Variants in PDE1C observed in about 807,000 individuals in gnomAD.
PDE1C encodes the protein phosphodiesterase 1C.
PDE1C carries 62 observed loss-of-function variants against 93.1 expected under a neutral mutation model. The observed-to-expected ratio is 0.67, with a 90% confidence interval of 0.54 to 0.82. PDE1C has a LOEUF of 0.82. PDE1C is among the 40% of genes least tolerant of loss of function. The pLI, the probability that PDE1C is intolerant of heterozygous loss-of-function variation, is 0.00. For synonymous variants in PDE1C, 325 were observed against 310.1 expected (o/e 1.05, Z -0.50); for missense variants, 742 against 884.6 (o/e 0.84, Z 2.04).
chr7:31,723,349 C>A, the PDE1C span, among the ~76,000 whole-genome samples: 1 of 152,292 alleles, frequency 6.6e-6, no homozygotes, highest in African/African-American at 2.4e-5. Context: ...AGAGCTAACA[C>A]AGCTGAGAAT....
At chr7:32,227,445 G>T (rs1807377549) in intron 1 of PDE1C, among the ~76,000 whole-genome samples, 1 of 152,162 alleles carries the variant, frequency 6.6e-6, no homozygotes, top group Non-Finnish European at 1.5e-5. Flanking sequence ...TATCTCCCCT[G>T]GTAGACTGTC....
chr7:32,379,395 T>G (rs1251459573), intron 1 of PDE1C, among the ~76,000 whole-genome samples: 3 of 152,114 alleles, frequency 2.0e-5, no homozygotes, highest in Non-Finnish European at 4.4e-5. Flanking sequence ...GAGGAAGAAA[T>G]AAAAAGCTGT....
At chr7:31,879,355 G>GT in intron 3 of PDE1C, 177 bp from the exon 4 acceptor site, 1 of 579,650 alleles carries the variant, frequency 1.7e-6, no homozygotes, top group Non-Finnish European at 3.0e-6. Context: ...CGCCATGTGT[G>GT]TTTCGCGATG....
At chr7:32,269,450 T>TTTTGGTTTTG (rs1810820114) in intron 1 of PDE1C, among the ~76,000 whole-genome samples, 1 of 151,536 alleles carries the variant, frequency 6.6e-6, no homozygotes, top group South Asian at 2.1e-4. Context: ...TTTTTTGATG[T>TTTTGGTTTTG]TTTTGTTTTG....
chr7:32,006,921 T>C (rs1472409227), intron 2 of PDE1C, among the ~76,000 whole-genome samples: 2 of 152,178 alleles, frequency 1.3e-5, no homozygotes, highest in African/African-American at 4.8e-5. Flanking sequence ...AAGACAAAAG[T>C]ACCAAAAGCC....
At chr7:32,380,682 T>G (rs932344169) in intron 1 of PDE1C, among the ~76,000 whole-genome samples, 1 of 152,066 alleles carries the variant, frequency 6.6e-6, no homozygotes, top group African/African-American at 2.4e-5. Flanking sequence ...CTGCAGCCTG[T>G]GACACACTTG....
At chr7:32,298,820 C>T in exon 1 of PDE1C, 3 of 1,481,856 alleles carry the variant, frequency 2.0e-6, no homozygotes, top group Non-Finnish European at 2.7e-6. Flanking sequence ...GCCCGGGGCT[C>T]GGCGGCGAAT....
At chr7:32,019,365 G>A (rs768455063) in intron 2 of PDE1C, among the ~76,000 whole-genome samples, 12 of 152,104 alleles carry the variant, frequency 7.9e-5, no homozygotes, top group Admixed American at 2.0e-4. Flanking sequence ...TATTGTTTGA[G>A]AAGTTAAAAC....
intron 1 of PDE1C, among the ~76,000 whole-genome samples, chr7:32,389,157 C>CGTGTGTGTGTGTGTGTGTGT (rs575896243): frequency 1.1e-3 from 145 of 135,752 alleles, no homozygotes; most frequent in Middle Eastern, 3.6e-3. Context: ...TGATAGCTGA[C>CGTGTGTGTGTGTGTGTGTGT]GTGTGTGTGT....
chr7:32,057,719 A>T (rs1383606928), intron 1 of PDE1C, among the ~76,000 whole-genome samples: 3 of 152,304 alleles, frequency 2.0e-5, no homozygotes, highest in African/African-American at 7.2e-5. Context: ...AAGCAGGCAA[A>T]CAGCGAGAAA....
At chr7:31,728,549 A>C in the PDE1C span, among the ~76,000 whole-genome samples, 1 of 152,166 alleles carries the variant, frequency 6.6e-6, no homozygotes, top group African/African-American at 2.4e-5. Flanking sequence ...TAAGTTCTAG[A>C]ACTTATATTC....
In PDE1C at chr7:32,113,703, C is replaced by T. The variant is rs145914518; in HGVS notation, c.308+56082G>A. Reference sequence around the variant, plus strand: ...ATGAGATTGGCAGTAGTCGTTTTTCCCTACTCAGATGGTATATTTTCTGAG... The same window carrying T: ...ATGAGATTGGCAGTAGTCGTTTTTCTCTACTCAGATGGTATATTTTCTGAG... On this transcript the variant is annotated intron_variant, in intron 3 of 18. Coordinates refer to the PDE1C transcript ENST00000396193. Among the ~76,000 whole-genome samples the T allele has an allele frequency of 1.4e-3, 214 of 151,998 alleles. 2 individuals are homozygous for T. Among genetic ancestry groups the T allele is most frequent in the African/African-American group, 5.0e-3 (207 of 41,444 alleles).
chr7:32,338,698 A>G (rs1160784429), intron 1 of PDE1C, among the ~76,000 whole-genome samples: 1 of 152,200 alleles, frequency 6.6e-6, no homozygotes, highest in African/African-American at 2.4e-5. Context: ...TCCTAGCAGC[A>G]TTATTCACAA....
rs12155356 is a variant in PDE1C, at chr7:31,911,289, T to C, written c.129-30429A>G. On this transcript the variant is annotated intron_variant, in intron 2 of 17. Transcript: ENST00000396191. ...TAGGATGTTTTAATATTAATATTAA[T>C]ATGCTTGATTAGATTTTAATCCTTT... Among the ~76,000 whole-genome samples, 1,051 of 152,296 alleles carry C rather than the reference T, an allele frequency of 6.9e-3. 6 individuals are homozygous for C. The highest frequency in any genetic ancestry group is 8.6e-3 in the Non-Finnish European group (588 of 68,030).
chr7:32,248,300 A>T (rs753017260), intron 1 of PDE1C, among the ~76,000 whole-genome samples: 1 of 152,188 alleles, frequency 6.6e-6, no homozygotes, highest in Non-Finnish European at 1.5e-5. Flanking sequence ...TTTAGAGTGG[A>T]GGAGAAGACC....
chr7:32,101,551 G>A (rs1798037273), intron 3 of PDE1C, among the ~76,000 whole-genome samples: 1 of 152,090 alleles, frequency 6.6e-6, no homozygotes, highest in Non-Finnish European at 1.5e-5. Context: ...AAAGCTGGTT[G>A]TATAAAAGAG....
chr7:31,998,547 A>G (rs561648137), intron 2 of PDE1C, among the ~76,000 whole-genome samples: 1 of 152,338 alleles, frequency 6.6e-6, no homozygotes, highest in Admixed American at 6.5e-5. Context: ...ATAAGTTTAT[A>G]TTAGTGATCC....
At chr7:31,896,431 C>T (rs181970631) in intron 2 of PDE1C, among the ~76,000 whole-genome samples, 63 of 152,298 alleles carry the variant, frequency 4.1e-4, no homozygotes, top group African/African-American at 1.4e-3. Context: ...TTTTGATCTA[C>T]TTGGTAAGGA....
intron 1 of PDE1C, among the ~76,000 whole-genome samples, chr7:32,295,272 G>T (rs927392157): frequency 1.1e-4 from 16 of 152,152 alleles, no homozygotes; most frequent in African/African-American, 3.6e-4. Flanking sequence ...TAGTACCGAG[G>T]CTCCAGCAGA....
Sources: allele counts gnomAD v4.1 joint callset (sites outside exome capture counted in the v4.1 genomes callset), GRCh38; gene constraint gnomAD v4.1.1; transcripts MANE v1.5; gene names NCBI Gene and HGNC (gene_info 2026-07-23, HGNC 2026-07-21).